Variants in CLSTN2 observed in about 807,000 individuals in gnomAD.
CLSTN2 encodes calsyntenin-2.
Under a neutral mutation model 101.2 loss-of-function variants are expected in CLSTN2, and 48 were observed. That is an observed-to-expected ratio of 0.47 (90% CI 0.38 to 0.60). The LOEUF is 0.60. CLSTN2 is among the 20% of genes least tolerant of loss of function. CLSTN2 has a pLI of 0.00. For missense variants in CLSTN2, 1,160 were observed against 1,238.2 expected, an observed-to-expected ratio of 0.94 and a Z score of 0.95; for synonymous variants, 481 against 463.6, an observed-to-expected ratio of 1.04 and a Z score of -0.48.
chr3:140,326,540 C>G (rs1033347042), intron 2 of CLSTN2, among the ~76,000 whole-genome samples: 20 of 152,228 alleles, frequency 1.3e-4, no homozygotes, highest in Non-Finnish European at 2.9e-5. Flanking sequence ...CTTTTCCAAA[C>G]TGAATTTGGA....
intron 1 of CLSTN2, among the ~76,000 whole-genome samples, chr3:140,012,864 A>C (rs1487145285): frequency 6.6e-6 from 1 of 152,210 alleles, no homozygotes; most frequent in Non-Finnish European, 1.5e-5. Context: ...ATGAGCCTGA[A>C]ATTTCAAGGT....
At chr3:139,968,634 C>A (rs1217560517) in intron 1 of CLSTN2, among the ~76,000 whole-genome samples, 2 of 152,156 alleles carry the variant, frequency 1.3e-5, no homozygotes, top group Non-Finnish European at 2.9e-5. Flanking sequence ...ATAAACTATT[C>A]TTTATACATT....
chr3:140,116,870 A>G (rs1001997344), intron 1 of CLSTN2, among the ~76,000 whole-genome samples: 1 of 152,110 alleles, frequency 6.6e-6, no homozygotes, highest in African/African-American at 2.4e-5. Context: ...TAATTATCCC[A>G]CTAGCAAAGT....
At chr3:140,112,500 G>T (rs1007156651) in intron 1 of CLSTN2, among the ~76,000 whole-genome samples, 2 of 152,136 alleles carry the variant, frequency 1.3e-5, no homozygotes, top group African/African-American at 4.8e-5. Context: ...ATCTCAGCAC[G>T]TGGTGCAGAT....
chr3:140,120,444 T>C (rs1189310864), intron 1 of CLSTN2, among the ~76,000 whole-genome samples: 1 of 152,172 alleles, frequency 6.6e-6, no homozygotes, highest in African/African-American at 2.4e-5. Context: ...GCCTGGAAGC[T>C]CTCTGAACTC....
intron 9 of CLSTN2, among the ~76,000 whole-genome samples, chr3:140,536,085 A>C (rs1048263937): frequency 1.3e-5 from 2 of 152,124 alleles, no homozygotes; most frequent in African/African-American, 4.8e-5. Context: ...TAAGTGACCA[A>C]CCAAGGAACA....
At chr3:140,259,902 T>G (rs2086635476) in intron 2 of CLSTN2, among the ~76,000 whole-genome samples, 1 of 152,026 alleles carries the variant, frequency 6.6e-6, no homozygotes, top group Non-Finnish European at 1.5e-5. Context: ...GACAGATCTG[T>G]GTACTTTGTT....
At position 140,546,555 on chromosome 3, in the gene CLSTN2, T is replaced by C. The variant is rs139725728; in HGVS notation, c.1548T>C (p.His516=). ...AACCACAGTTTGCTCAGTTCTTTCA[T>C]GGAAGCCTGGCCAGTCTCACCATCC... The part of the protein sequence containing the change: ...VTKPQFAQFF[H]GSLASLTIRP... The change falls in exon 10 of 17, where the codon CAT becomes CAC. Residue 516 remains histidine, a synonymous_variant. Coordinates refer to ENST00000458420, the MANE Select transcript of CLSTN2 (RefSeq NM_022131.3). 47 of 1,614,022 alleles carry C rather than the reference T, an allele frequency of 2.9e-5. No homozygotes were observed. The African/African-American group carries it at 4.8e-4, about 17-fold the overall frequency.
intron 1 of CLSTN2, among the ~76,000 whole-genome samples, chr3:140,024,297 C>T (rs1003052976): frequency 1.3e-5 from 2 of 152,198 alleles, no homozygotes; most frequent in East Asian, 1.9e-4. Flanking sequence ...GGGTGTCCTG[C>T]GGCATGGGTG....
At chr3:140,287,963 C>G (rs2086911552) in intron 2 of CLSTN2, among the ~76,000 whole-genome samples, 1 of 152,142 alleles carries the variant, frequency 6.6e-6, no homozygotes, top group Non-Finnish European at 1.5e-5. Context: ...CTAAGTTGCT[C>G]ATCTTTCAAA....
chr3:140,368,344 C>A (rs1007285748), intron 2 of CLSTN2, among the ~76,000 whole-genome samples: 3 of 152,140 alleles, frequency 2.0e-5, no homozygotes, highest in African/African-American at 7.2e-5. Flanking sequence ...CCAGTGGAAC[C>A]AAGCAAGAGC....
At chr3:140,092,498 G>C (rs917268940) in intron 1 of CLSTN2, among the ~76,000 whole-genome samples, 20 of 152,196 alleles carry the variant, frequency 1.3e-4, no homozygotes, top group Admixed American at 1.3e-3. Context: ...TTAAGTGTTA[G>C]AGAGGCTTAG....
chr3:139,995,582 A>G lies in CLSTN2; in HGVS notation c.109+60099A>G, dbSNP rs552112319. On this transcript the variant is annotated intron_variant, in intron 1 of 16. Transcript: ENST00000458420. ...TGGCTTCTGTGTACAGAACTTACCC[A>G]CTGTTCCATACGTTTTGTCCCAGGT... 2.2e-3 allele frequency among the ~76,000 whole-genome samples: 342 copies of G among 152,206 alleles called. 5 individuals are homozygous for G. The highest frequency in any genetic ancestry group is 7.2e-3 in the African/African-American group (298 of 41,520).
At chr3:140,225,815 C>A (rs1465432467) in intron 2 of CLSTN2, among the ~76,000 whole-genome samples, 1 of 152,058 alleles carries the variant, frequency 6.6e-6, no homozygotes, top group Admixed American at 6.6e-5. Context: ...CATTTTCATG[C>A]CCTTCTCAAA....
At chr3:140,434,176 G>GC (rs1449492530) in intron 5 of CLSTN2, among the ~76,000 whole-genome samples, 2 of 152,120 alleles carry the variant, frequency 1.3e-5, no homozygotes. Context: ...GCAGAACAGT[G>GC]CCCCCTTCTC....
chr3:140,031,996 T>C (rs1281216073), intron 1 of CLSTN2, among the ~76,000 whole-genome samples: 2 of 152,122 alleles, frequency 1.3e-5, no homozygotes, highest in Non-Finnish European at 1.5e-5. Context: ...GTCCTAATAC[T>C]CTGTAGCGAT....
chr3:140,163,386 T>C (rs535001721), intron 1 of CLSTN2, among the ~76,000 whole-genome samples: 12 of 150,712 alleles, frequency 8.0e-5, no homozygotes, highest in Non-Finnish European at 1.5e-4. Context: ...CCCCACAAAA[T>C]GCATGAATCA....
intron 15 of CLSTN2, among the ~76,000 whole-genome samples, chr3:140,563,538 G>A (rs1388202610): frequency 6.6e-6 from 1 of 152,054 alleles, no homozygotes; most frequent in Non-Finnish European, 1.5e-5. Flanking sequence ...ATATTGCAAC[G>A]TCCTCTGCCC....
intron 2 of CLSTN2, among the ~76,000 whole-genome samples, chr3:140,281,931 A>G (rs2086851229): frequency 6.6e-6 from 1 of 152,080 alleles, no homozygotes; most frequent in Non-Finnish European, 1.5e-5. Context: ...AGGGGCAGAG[A>G]TATTTTCTGA....
Sources: gnomAD v4.1 joint callset for allele counts (sites outside exome capture counted in the v4.1 genomes callset) on GRCh38, gnomAD v4.1.1 for gene constraint, MANE v1.5 for transcripts, NCBI Gene and HGNC (gene_info 2026-07-23, HGNC 2026-07-21) for gene names.